The following PLEKHA6 variants were observed in gnomAD, a reference collection of about 807,000 sequenced individuals.
PLEKHA6 encodes the protein pleckstrin homology domain-containing family A member 6.
In PLEKHA6, 60 loss-of-function variants were observed where a neutral mutation model predicts 116.7. The observed-to-expected ratio is 0.51, with a 90% CI of 0.42 to 0.64. The LOEUF is 0.64. Among genes scored for constraint, PLEKHA6 ranks in the 30% least tolerant of loss-of-function variants. The probability of loss-of-function intolerance (pLI) is 0.00; values close to 1 mark genes in which losing one functional copy is unlikely to be tolerated. For synonymous variants in PLEKHA6, 489 were observed against 556.1 expected, an observed-to-expected ratio of 0.88 and a Z score of 1.70; for missense variants, 1,338 against 1,422.7, an observed-to-expected ratio of 0.94 and a Z score of 0.96.
At chr1:204,325,530 C>T (rs1029529951) in intron 1 of PLEKHA6, among the ~76,000 whole-genome samples, 1 of 152,194 alleles carries the variant, frequency 6.6e-6, no homozygotes, top group Non-Finnish European at 1.5e-5. Context: ...ATATTGAGAG[C>T]TCAGGTCCCA....
intron 1 of PLEKHA6, chr1:204,275,080 C>G: frequency 3.8e-6 from 1 of 260,892 alleles, no homozygotes; most frequent in Non-Finnish European, 6.0e-6. Flanking sequence ...ATAAGCCACA[C>G]TGAACTCTTT....
chr1:204,336,124 G>T (rs1672638813), intron 1 of PLEKHA6, among the ~76,000 whole-genome samples: 1 of 152,108 alleles, frequency 6.6e-6, no homozygotes, highest in African/African-American at 2.4e-5. Flanking sequence ...CCCCAAAACA[G>T]CTCTCAGTGC....
chr1:204,290,471 A>G (rs921158149), intron 1 of PLEKHA6, among the ~76,000 whole-genome samples: 3 of 152,214 alleles, frequency 2.0e-5, no homozygotes, highest in African/African-American at 7.2e-5. Context: ...AAACACATGA[A>G]AACAAACAAA....
chr1:204,268,124 C>T, intron 4 of PLEKHA6, 84 bp downstream of exon 4: 2 of 825,594 alleles, frequency 2.4e-6, no homozygotes, highest in Non-Finnish European at 3.8e-6. Flanking sequence ...AAAAAATACA[C>T]AGCCTGTCAT....
At position 204,308,085 on chromosome 1, in the gene PLEKHA6, C is replaced by T. The variant is rs373711721; in HGVS notation, c.-94-33276G>A. ...TTATGGAGCTCCCCTTTCTTTTGTG[C>T]TTCCACCCATAATAGAATTAGGCCA... On this transcript the variant is annotated intron_variant, in intron 1 of 22. Coordinates refer to ENST00000272203, the MANE Select transcript of PLEKHA6 (RefSeq NM_014935.5). Among the ~76,000 whole-genome samples, 5 of 152,294 alleles carry T rather than the reference C, an allele frequency of 3.3e-5. No individual in the cohort carries two copies. The South Asian group carries it at 6.2e-4, about 19-fold the overall frequency.
At chr1:204,282,517 T>G in intron 1 of PLEKHA6, 1 of 437,850 alleles carries the variant, frequency 2.3e-6, no homozygotes, top group Non-Finnish European at 3.0e-6. Flanking sequence ...CACATCTCCA[T>G]GACCCAGAGA....
rs1665428611 is a variant in PLEKHA6 at position 204,257,238 on chromosome 1, G to A, written c.1524+115C>T. The A allele has an allele frequency of 1.6e-5, 16 of 999,244 alleles. No homozygotes were observed. The South Asian group carries it at 1.7e-4, about 11-fold the overall frequency. 61.9% of individuals were successfully genotyped at this position (999,244 alleles called of 1,614,324 possible). A position where few individuals can be genotyped will look rare whatever the true frequency, so the allele number is the denominator to read the frequency against. On this transcript the variant is annotated intron_variant, in intron 9 of 22. Transcript: ENST00000272203. This position sits in a 1 kb window ranked among gnomAD's most constrained non-coding sequence, Gnocchi z 6.5. ...AGCACTGCTGGTCCTGCAGACAAAC[G>A]GCCCAGTGGCCCCGTGGCACAGATG...
intron 3 of PLEKHA6, 80 bp from the exon 4 acceptor site, chr1:204,268,392 G>T: frequency 1.1e-6 from 1 of 946,494 alleles, no homozygotes; most frequent in Non-Finnish European, 1.6e-6. Context: ...ACCCCTGCTA[G>T]AGCTGCTTCT....
intron 3 of PLEKHA6, among the ~76,000 whole-genome samples, chr1:204,270,993 G>A (rs4951342): frequency 0.48 from 72,415 of 152,072 alleles, 17,424 homozygotes; most frequent in Middle Eastern, 0.6. Flanking sequence ...ACGAAGTCCT[G>A]ATCCCCCTGA....
chr1:204,340,206 AGG>A (rs902479838), intron 1 of PLEKHA6, among the ~76,000 whole-genome samples: 1 of 152,140 alleles, frequency 6.6e-6, no homozygotes, highest in Admixed American at 6.5e-5. Flanking sequence ...AGTGAGTGGG[AGG>A]GGGGTGTGTT....
chr1:204,283,378 C>G (rs1309776387), intron 1 of PLEKHA6, among the ~76,000 whole-genome samples: 1 of 152,192 alleles, frequency 6.6e-6, no homozygotes, highest in Non-Finnish European at 1.5e-5. Flanking sequence ...TTGAGTGATG[C>G]CTTGTTGAGC....
chr1:204,297,198 G>A (rs2103063474), intron 1 of PLEKHA6: 1 of 982,146 alleles, frequency 1.0e-6, no homozygotes, highest in Middle Eastern at 5.2e-4. Flanking sequence ...TCTAACATTT[G>A]TCTTTGATGT....
rs115554320 is a variant in PLEKHA6, at chr1:204,308,467, T to C, written c.-94-33658A>G. ...GGAACCATGCTTTAATACAACTAGA[T>C]ACTCACTTGGACCACTGATTGCAAG... On this transcript the variant is annotated intron_variant, in intron 1 of 22. Transcript: ENST00000272203. Among the ~76,000 whole-genome samples the C allele has an allele frequency of 7.4e-3, 1,130 of 152,160 alleles. 10 individuals are homozygous for C. Among genetic ancestry groups the C allele is most frequent in the African/African-American group, 0.024 (1,016 of 41,494 alleles).
chr1:204,241,568 T>C lies in PLEKHA6; in HGVS notation c.2303-87A>G. 5 of 1,398,020 alleles carry C rather than the reference T, an allele frequency of 3.6e-6. No homozygotes were observed. In the East Asian group the frequency reaches 9.4e-5, roughly 26 times the overall value. The allele number at this position is 1,398,020 out of a possible 1,614,324, so 86.6% of individuals were successfully genotyped here. ...CTCAGAGACAATCTCAGCCCCACTCTCCACCGAGATTAAAAAGCCCAGGGT... is the reference window on the plus strand; with the variant it reads ...CTCAGAGACAATCTCAGCCCCACTCCCCACCGAGATTAAAAAGCCCAGGGT... On this transcript the variant is annotated intron_variant, in intron 16 of 22. Coordinates refer to ENST00000272203, the MANE Select transcript of PLEKHA6 (RefSeq NM_014935.5).
chr1:204,253,647 G>A (rs1365043846), intron 9 of PLEKHA6, among the ~76,000 whole-genome samples: 3 of 151,898 alleles, frequency 2.0e-5, no homozygotes, highest in African/African-American at 7.3e-5. Context: ...CAGTACAGTG[G>A]GACACCCATC....
chr1:204,337,379 A>C (rs1672686235), intron 1 of PLEKHA6, among the ~76,000 whole-genome samples: 1 of 152,200 alleles, frequency 6.6e-6, no homozygotes, highest in Non-Finnish European at 1.5e-5. Flanking sequence ...GCCCCTTCCC[A>C]GTAGCTGCTA....
chr1:204,349,056 A>C (rs1673181887), intron 1 of PLEKHA6, among the ~76,000 whole-genome samples: 1 of 152,126 alleles, frequency 6.6e-6, no homozygotes, highest in Non-Finnish European at 1.5e-5. Flanking sequence ...GGGAACACCC[A>C]GACTGCTTCA....
intron 21 of PLEKHA6, among the ~76,000 whole-genome samples, chr1:204,226,454 T>C (rs1307829482): frequency 2.0e-5 from 3 of 152,184 alleles, no homozygotes; most frequent in Non-Finnish European, 2.9e-5. Flanking sequence ...CAGCCTTGTC[T>C]CTCTAACCCC....
intron 1 of PLEKHA6, among the ~76,000 whole-genome samples, chr1:204,345,205 A>T (rs1024187703): frequency 6.6e-6 from 1 of 152,150 alleles, no homozygotes; most frequent in African/African-American, 2.4e-5. Flanking sequence ...TTCTGACAAC[A>T]CCAAATCTGG....
Sources: gnomAD v4.1 joint callset for allele counts (sites outside exome capture counted in the v4.1 genomes callset) on GRCh38, gnomAD v4.1.1 for gene constraint, Gnocchi (gnomAD v3.1) non-coding constraint, MANE v1.5 for transcripts, NCBI Gene and HGNC (gene_info 2026-07-23, HGNC 2026-07-21) for gene names.